CFAP300: variants seen among roughly 807,000 people sequenced by gnomAD.
The protein encoded by CFAP300 is cilia- and flagella-associated protein 300.
Under a neutral mutation model 33.0 loss-of-function variants are expected in CFAP300, and 32 were observed. That is an observed-to-expected ratio of 0.97 (90% confidence interval 0.73 to 1.30). The LOEUF (loss-of-function observed/expected upper bound fraction) is 1.30, where lower values mean the gene tolerates loss of function less well. Ranked by LOEUF, CFAP300 falls within the 50% of genes most tolerant of loss-of-function variation. The probability of loss-of-function intolerance (pLI) is 0.00; values close to 1 mark genes in which losing one functional copy is unlikely to be tolerated. For missense variants in CFAP300, 356 were observed against 318.1 expected, an observed-to-expected ratio of 1.12 and a Z score of -0.90; for synonymous variants, 102 against 106.8, an observed-to-expected ratio of 0.95 and a Z score of 0.28.
chr11:102,066,388 C>A, intron 3 of CFAP300, 97 bp from the exon 4 acceptor site: 1 of 743,434 alleles, frequency 1.3e-6, no homozygotes, highest in Non-Finnish European at 2.0e-6. Context: ...TATTTGTTAA[C>A]TTCTTAGAAT....
intron 3 of CFAP300, among the ~76,000 whole-genome samples, chr11:102,065,950 A>C (rs1041930060): frequency 2.0e-4 from 30 of 150,846 alleles, no homozygotes; most frequent in African/African-American, 6.8e-4. Context: ...TAGTCCAGAA[A>C]TGGTGAGATT....
At chr11:102,069,501 T>A (rs979722715) in intron 4 of CFAP300, among the ~76,000 whole-genome samples, 5 of 152,122 alleles carry the variant, frequency 3.3e-5, no homozygotes, top group African/African-American at 9.7e-5. Context: ...ATTATTATAT[T>A]TTTTTAAATT....
At chr11:102,051,456 A>G (rs1188617222) in intron 2 of CFAP300, among the ~76,000 whole-genome samples, 2 of 152,134 alleles carry the variant, frequency 1.3e-5, no homozygotes, top group Non-Finnish European at 2.9e-5. Flanking sequence ...GGCCTCCCAC[A>G]TCCCAGGGAG....
At position 102,082,764 on chromosome 11, in the gene CFAP300, C is replaced by T. The variant is rs373910747; in HGVS notation, c.676-307C>T. On this transcript the variant is annotated intron_variant, in intron 6 of 6. Coordinates refer to ENST00000434758, the MANE Select transcript of CFAP300 (RefSeq NM_032930.3). ...CTGTAATCCCAGCCTTTTGGGAGGCCGAGACAGGTGGATCACAAAGTCAGG... is the reference window on the plus strand; with the variant it reads ...CTGTAATCCCAGCCTTTTGGGAGGCTGAGACAGGTGGATCACAAAGTCAGG... Among the ~76,000 whole-genome samples, 28 of 152,090 alleles carry T rather than the reference C, an allele frequency of 1.8e-4. No homozygotes were observed. The East Asian group carries it at 2.1e-3, about 12-fold the overall frequency.
chr11:102,047,925 G>A, intron 2 of CFAP300, 29 bp downstream of exon 2: 1 of 1,606,294 alleles, frequency 6.2e-7, no homozygotes, highest in Non-Finnish European at 8.5e-7. Context: ...GAGTTCCCTG[G>A]GTCTCTGCGG....
At chr11:102,064,047 G>T (rs115072213) in intron 3 of CFAP300, among the ~76,000 whole-genome samples, 1 of 152,056 alleles carries the variant, frequency 6.6e-6, no homozygotes, top group Non-Finnish European at 1.5e-5. Context: ...TCACGTTGAG[G>T]GTTAGAGCTT....
rs530189370 is a variant in CFAP300, at chr11:102,073,514, C to T, written c.436-2359C>T. Among the ~76,000 whole-genome samples the T allele has an allele frequency of 5.3e-5, 8 of 152,246 alleles. No individual in the cohort carries two copies. The South Asian group carries it at 1.5e-3, about 28-fold the overall frequency. On this transcript the variant is annotated intron_variant, in intron 4 of 6. Coordinates refer to ENST00000434758, the MANE Select transcript of CFAP300 (RefSeq NM_032930.3). ...CCTCCAGTGGTACATTCAGGCGGATCCTCTTGTGAGTTGGGCAGGGTGATC... is the reference window on the plus strand; with the variant it reads ...CCTCCAGTGGTACATTCAGGCGGATTCTCTTGTGAGTTGGGCAGGGTGATC...
chr11:102,062,921 G>A (rs1942169224), intron 3 of CFAP300, among the ~76,000 whole-genome samples: 2 of 152,180 alleles, frequency 1.3e-5, no homozygotes, highest in South Asian at 4.1e-4. Flanking sequence ...GAAGGCTGTT[G>A]GCCTTCTTAG....
chr11:102,075,385 T>C (rs1424927294), intron 4 of CFAP300, among the ~76,000 whole-genome samples: 1 of 152,084 alleles, frequency 6.6e-6, no homozygotes, highest in East Asian at 1.9e-4. Flanking sequence ...GATATGAGGC[T>C]CCAGCACCTG....
At position 102,066,492 on chromosome 11, in the gene CFAP300, A is replaced by G. The variant is rs777101657; in HGVS notation, c.276A>G (p.Glu92=). The change falls in exon 4 of 7, where the codon GAA becomes GAG. Residue 92 remains glutamate, a synonymous_variant. Transcript: ENST00000434758. ...SSGQWIILGT[E]VKKIEAINVP... ...TAAAATATCTTTTTTCAGGAACTGA[A>G]GTGAAAAAAATTGAAGCTATAAATG... is the stretch of plus-strand genomic sequence containing the variant. 4.0e-5 allele frequency: 63 copies of G among 1,585,690 alleles called. No homozygotes were observed. Among genetic ancestry groups the G allele is most frequent in the Non-Finnish European group, 5.0e-5 (59 of 1,169,080 alleles).
chr11:102,074,215 TG>T (rs1942362497), intron 4 of CFAP300, among the ~76,000 whole-genome samples: 1 of 52,468 alleles, frequency 1.9e-5, no homozygotes, highest in Non-Finnish European at 3.6e-5. Context: ...GACTTGGAGG[TG>T]GGGGAGGGGT....
At chr11:102,080,167 C>T (rs1488178234) in intron 5 of CFAP300, among the ~76,000 whole-genome samples, 1 of 151,900 alleles carries the variant, frequency 6.6e-6, no homozygotes, top group Admixed American at 6.6e-5. Context: ...AAATGTTTTA[C>T]AAACTGTAAG....
chr11:102,079,714 T>C (rs1942447469), intron 5 of CFAP300, among the ~76,000 whole-genome samples: 1 of 152,182 alleles, frequency 6.6e-6, no homozygotes, highest in Admixed American at 6.5e-5. Context: ...TATCTTTCTT[T>C]AAATTTTACC....
chr11:102,056,156 C>A (rs1942053675), intron 2 of CFAP300, among the ~76,000 whole-genome samples: 1 of 152,162 alleles, frequency 6.6e-6, no homozygotes, highest in Non-Finnish European at 1.5e-5. Context: ...CTAATACTTT[C>A]TTTCCAATAG....
chr11:102,077,970 A>C (rs924785713), intron 5 of CFAP300, among the ~76,000 whole-genome samples: 2 of 152,082 alleles, frequency 1.3e-5, no homozygotes, highest in Non-Finnish European at 2.9e-5. Context: ...GACTCACTGC[A>C]ACGTCTGCCT....
intron 3 of CFAP300, among the ~76,000 whole-genome samples, chr11:102,066,072 C>T (rs889594662): frequency 1.3e-5 from 2 of 151,664 alleles, no homozygotes; most frequent in African/African-American, 4.8e-5. Flanking sequence ...GTTCTCCTGC[C>T]TCAGCCTCCC....
chr11:102,070,826 T>C (rs113679250), intron 4 of CFAP300, among the ~76,000 whole-genome samples: 4 of 152,196 alleles, frequency 2.6e-5, no homozygotes, highest in Admixed American at 1.3e-4. Flanking sequence ...GAATACGTGT[T>C]GTTGGTTCTC....
intron 2 of CFAP300, among the ~76,000 whole-genome samples, chr11:102,055,961 G>A (rs564679476): frequency 3.0e-4 from 45 of 152,140 alleles, no homozygotes; most frequent in South Asian, 1.0e-3. Context: ...GAGCCACCGC[G>A]CCCGGCCCTA....
chr11:102,065,501 T>C (rs1390237896), intron 3 of CFAP300, among the ~76,000 whole-genome samples: 1 of 152,046 alleles, frequency 6.6e-6, no homozygotes, highest in Non-Finnish European at 1.5e-5. Context: ...GCGCGGTTGC[T>C]CATGCCTGCA....
Sources: gnomAD v4.1 joint callset for allele counts (sites outside exome capture counted in the v4.1 genomes callset) on GRCh38, gnomAD v4.1.1 for gene constraint, MANE v1.5 for transcripts, NCBI Gene and HGNC (gene_info 2026-07-23, HGNC 2026-07-21) for gene names.